KIAA1549: variants seen among roughly 807,000 people sequenced by gnomAD.
KIAA1549 encodes KIAA1549, also known as UPF0606 protein KIAA1549.
In KIAA1549, 70 loss-of-function variants were observed where a neutral mutation model predicts 156.4. The observed-to-expected ratio is 0.45, with a 90% CI of 0.37 to 0.55. The LOEUF (loss-of-function observed/expected upper bound fraction) is 0.55, where lower values mean the gene tolerates loss of function less well. Ranked by LOEUF, KIAA1549 falls within the 20% of genes least tolerant of loss-of-function variation. The probability of loss-of-function intolerance (pLI) is 0.00; values close to 1 mark genes in which losing one functional copy is unlikely to be tolerated. For synonymous variants in KIAA1549, 1,103 were observed against 1,066.4 expected (o/e 1.03, Z -0.67); for missense variants, 2,428 against 2,540.9 (o/e 0.96, Z 0.96).
intron 1 of KIAA1549, among the ~76,000 whole-genome samples, chr7:138,934,133 G>A (rs1314016315): frequency 2.6e-5 from 4 of 152,114 alleles, no homozygotes; most frequent in Admixed American, 6.5e-5. Context: ...TCAAAAGGGC[G>A]AGAGCACTGC....
In KIAA1549 at chr7:138,932,989, A is replaced by G. The variant is rs561520865; in HGVS notation, c.188-13551T>C. ...GGAAAACCAGGAACGGGAGGTGACA[A>G]GAAAACAGAAAATCGGTCGGTACTG... On this transcript the variant is annotated intron_variant, in intron 1 of 19. Coordinates refer to ENST00000422774, the MANE Select transcript of KIAA1549 (RefSeq NM_001164665.2). Among the ~76,000 whole-genome samples the G allele has an allele frequency of 7.0e-4, 106 of 152,348 alleles. 5 individuals carry two copies. In the South Asian group the frequency reaches 0.019, roughly 27 times the overall value.
At chr7:138,842,487 G>A (rs997135807) in intron 18 of KIAA1549, among the ~76,000 whole-genome samples, 3 of 152,182 alleles carry the variant, frequency 2.0e-5, no homozygotes, top group Non-Finnish European at 2.9e-5. Context: ...AGGAGTTCAC[G>A]ACCAGCCTAG....
At chr7:138,926,062 G>A (rs1812709084) in intron 1 of KIAA1549, among the ~76,000 whole-genome samples, 1 of 152,104 alleles carries the variant, frequency 6.6e-6, no homozygotes, top group African/African-American at 2.4e-5. Flanking sequence ...AGTATCAAGT[G>A]TCTCTAAAGA....
intron 1 of KIAA1549, among the ~76,000 whole-genome samples, chr7:138,970,815 T>C (rs1051184437): frequency 5.3e-5 from 8 of 152,056 alleles, no homozygotes; most frequent in African/African-American, 1.9e-4. Context: ...GTCTGAGGCT[T>C]CCCCCTTTGA....
At chr7:138,938,751 A>G (rs534069203) in intron 1 of KIAA1549, among the ~76,000 whole-genome samples, 1 of 152,382 alleles carries the variant, frequency 6.6e-6, no homozygotes, top group East Asian at 1.9e-4. Context: ...TTGGCATTTT[A>G]AACTTTTTAT....
chr7:138,889,019 A>G (rs1227913350), intron 10 of KIAA1549, among the ~76,000 whole-genome samples: 1 of 152,214 alleles, frequency 6.6e-6, no homozygotes, highest in Non-Finnish European at 1.5e-5. Context: ...TAAGCGAAAG[A>G]AAACAGATAT....
At chr7:138,972,060 T>G (rs1814236036) in intron 1 of KIAA1549, among the ~76,000 whole-genome samples, 1 of 152,086 alleles carries the variant, frequency 6.6e-6, no homozygotes. Flanking sequence ...GGAGCTTGAA[T>G]GAGGGCAGTG....
At chr7:138,960,402 C>CT (rs71169070) in intron 1 of KIAA1549, among the ~76,000 whole-genome samples, 77,061 of 151,306 alleles carry the variant, frequency 0.51, 22,950 homozygotes, top group African/African-American at 0.84. Context: ...CTCTGCCCCC[C>CT]GGTTCAAGCG....
In KIAA1549 at chr7:138,944,268, C is replaced by A. The variant is rs1563088280; in HGVS notation, c.188-24830G>T. Among the ~76,000 whole-genome samples, 7 of 152,240 alleles carry A rather than the reference C, an allele frequency of 4.6e-5. No homozygotes were observed. The South Asian group carries it at 1.5e-3, about 32-fold the overall frequency. On this transcript the variant is annotated intron_variant, in intron 1 of 19. Transcript: ENST00000422774. ...ACCCCAGCATCTGAATAACTTTTCA[C>A]TCAAAAGCCACATAATTGCCAAGAA...
Position 138,871,145 on chromosome 7 carries a change from A to C in KIAA1549, c.4551+12T>G, listed in dbSNP as rs1164172618. The stretch of plus-strand genomic sequence containing the variant: ...TTTTTTAAGTAACAGACTTTTAAAT[A>C]AAAGCAAATACCTCTTTGTTGATTT... On this transcript the variant is annotated intron_variant, in intron 13 of 19. Transcript: ENST00000422774. 1 of 1,608,488 alleles carries C rather than the reference A, an allele frequency of 6.2e-7. No individual in the cohort carries two copies. The highest frequency in any genetic ancestry group is 2.2e-5 in the East Asian group (1 of 44,878).
intron 8 of KIAA1549, among the ~76,000 whole-genome samples, chr7:138,899,579 T>C (rs1811783986): frequency 6.6e-6 from 1 of 152,170 alleles, no homozygotes; most frequent in African/African-American, 2.4e-5. Context: ...TTCCTCCTCA[T>C]TCTGCTAGGG....
chr7:138,884,953 T>C (rs1434592421), intron 10 of KIAA1549, among the ~76,000 whole-genome samples: 1 of 152,252 alleles, frequency 6.6e-6, no homozygotes, highest in Non-Finnish European at 1.5e-5. Flanking sequence ...CCCAACACTT[T>C]GGGAGGCTGA....
intron 10 of KIAA1549, among the ~76,000 whole-genome samples, chr7:138,890,834 C>T (rs1389920953): frequency 6.6e-6 from 1 of 152,242 alleles, no homozygotes; most frequent in East Asian, 1.9e-4. Context: ...TCAATGCTTG[C>T]CCACTGCTTA....
intron 12 of KIAA1549, chr7:138,876,494 A>G (rs1171643108): frequency 6.6e-6 from 1 of 152,248 alleles, no homozygotes; most frequent in Non-Finnish European, 1.5e-5. Flanking sequence ...TGCAAAAGTC[A>G]GTGTCAGCTT....
At chr7:138,890,355 GTGTC>G (rs2130426484) in intron 10 of KIAA1549, among the ~76,000 whole-genome samples, 1 of 152,374 alleles carries the variant, frequency 6.6e-6, no homozygotes, top group Non-Finnish European at 1.5e-5. Context: ...AATCCCAAAA[GTGTC>G]TGAACAAAAA....
intron 1 of KIAA1549, among the ~76,000 whole-genome samples, chr7:138,920,262 T>C (rs1279151548): frequency 2.1e-5 from 1 of 48,272 alleles, no homozygotes; most frequent in African/African-American, 6.9e-4. Flanking sequence ...GCCCTTCAGA[T>C]GCAGCACAGA....
chr7:138,928,992 T>C (rs1319997054), intron 1 of KIAA1549, among the ~76,000 whole-genome samples: 1 of 152,102 alleles, frequency 6.6e-6, no homozygotes, highest in Non-Finnish European at 1.5e-5. Context: ...CTTCAGCGAG[T>C]TGCAATCTTT....
intron 13 of KIAA1549, among the ~76,000 whole-genome samples, 181 bp from the exon 14 acceptor site, chr7:138,869,942 C>T (rs981300909): frequency 1.3e-5 from 2 of 152,156 alleles, no homozygotes; most frequent in Non-Finnish European, 2.9e-5. Flanking sequence ...CTCCACTTCC[C>T]GGGTTCAAGT....
intron 1 of KIAA1549, among the ~76,000 whole-genome samples, chr7:138,961,407 G>A (rs970435141): frequency 4.6e-5 from 7 of 152,056 alleles, no homozygotes; most frequent in Non-Finnish European, 5.9e-5. Context: ...GGCTCCTACC[G>A]TGGGCTGAGA....
Sources: allele counts gnomAD v4.1 joint callset (sites outside exome capture counted in the v4.1 genomes callset), GRCh38; gene constraint gnomAD v4.1.1; transcripts MANE v1.5; gene names NCBI Gene and HGNC (gene_info 2026-07-23, HGNC 2026-07-21).